Variants in IQCJ observed in about 807,000 individuals in gnomAD.
The protein encoded by IQCJ is IQ domain-containing protein J.
In IQCJ, 9 loss-of-function variants were observed where a neutral mutation model predicts 11.0. The observed-to-expected ratio is 0.82, with a 90% CI of 0.49 to 1.43. IQCJ has a LOEUF of 1.43. Among genes scored for constraint, IQCJ ranks in the 40% most tolerant of loss-of-function variants. IQCJ has a pLI of 0.00. For missense variants in IQCJ, 146 were observed against 133.2 expected, an observed-to-expected ratio of 1.10 and a Z score of -0.47; for synonymous variants, 55 against 51.3, an observed-to-expected ratio of 1.07 and a Z score of -0.31.
At chr3:159,126,988 G>C (rs889004445) in intron 1 of IQCJ, among the ~76,000 whole-genome samples, 1 of 152,194 alleles carries the variant, frequency 6.6e-6, no homozygotes, top group Non-Finnish European at 1.5e-5. Context: ...GGGCAGATTT[G>C]CTTGGCCATT....
chr3:159,102,122 C>T (rs1717970346), intron 1 of IQCJ, among the ~76,000 whole-genome samples: 1 of 152,194 alleles, frequency 6.6e-6, no homozygotes, highest in South Asian at 2.1e-4. Context: ...ATTCCTTTTA[C>T]AAACAAGAAA....
chr3:159,142,544 G>C lies in IQCJ; in HGVS notation c.9+73103G>C, dbSNP rs1720675091. ...CGATTCTCCTGCCTCAGCTTCTCGAGTTGCTGGGATTACAGGCACCTGCCA... is the reference window on the plus strand; with the variant it reads ...CGATTCTCCTGCCTCAGCTTCTCGACTTGCTGGGATTACAGGCACCTGCCA... On this transcript the variant is annotated intron_variant, in intron 1 of 3. Coordinates refer to ENST00000397832, the MANE Select transcript of IQCJ (RefSeq NM_001042706.3). 1.3e-5 allele frequency among the ~76,000 whole-genome samples: 2 copies of C among 152,050 alleles called. 1 individual carries two copies. The highest frequency in any genetic ancestry group is 4.1e-4 in the South Asian group (2 of 4,822).
intron 1 of IQCJ, among the ~76,000 whole-genome samples, chr3:159,244,155 G>A (rs1235112414): frequency 6.6e-6 from 1 of 152,206 alleles, no homozygotes; most frequent in African/African-American, 2.4e-5. Flanking sequence ...GAACTGTCGA[G>A]TAGGCAGGGT....
At chr3:159,152,783 T>C (rs1035917402) in intron 1 of IQCJ, among the ~76,000 whole-genome samples, 32 of 152,312 alleles carry the variant, frequency 2.1e-4, no homozygotes, top group African/African-American at 7.5e-4. Flanking sequence ...ATCTGATAAA[T>C]GTAACAATAG....
chr3:159,217,821 T>C (rs1415455656), intron 1 of IQCJ, among the ~76,000 whole-genome samples: 1 of 152,108 alleles, frequency 6.6e-6, no homozygotes, highest in African/African-American at 2.4e-5. Flanking sequence ...ATCCTCCCTC[T>C]TCACCCACAC....
intron 1 of IQCJ, among the ~76,000 whole-genome samples, chr3:159,106,534 C>T (rs746935968): frequency 1.3e-4 from 20 of 151,810 alleles, no homozygotes; most frequent in South Asian, 8.3e-4. Flanking sequence ...GTGGGGGAAG[C>T]GGGGAGAGAG....
At chr3:159,265,321 A>T, downstream of IQCJ, 1 of 1,613,872 alleles carries the variant, frequency 6.2e-7, no homozygotes, top group African/African-American at 1.3e-5. Context: ...CTCTACCTTG[A>T]CCAGCTTGCC....
intron 1 of IQCJ, among the ~76,000 whole-genome samples, chr3:159,094,248 T>C (rs73027605): frequency 0.05 from 7,490 of 150,606 alleles, 762 homozygotes; most frequent in African/African-American, 0.18. Flanking sequence ...AAGGTTCTTA[T>C]GTTTGGTTAA....
chr3:159,202,124 T>C (rs1398456034), intron 1 of IQCJ, among the ~76,000 whole-genome samples: 12 of 152,156 alleles, frequency 7.9e-5, no homozygotes, highest in Non-Finnish European at 1.5e-5. Flanking sequence ...TGTACATGTA[T>C]GTATATATTA....
intron 1 of IQCJ, among the ~76,000 whole-genome samples, chr3:159,091,582 C>T (rs774580322): frequency 3.3e-5 from 5 of 151,264 alleles, no homozygotes; most frequent in Non-Finnish European, 7.4e-5. Context: ...CACAAACATT[C>T]AGACCATAGC....
At chr3:159,081,591 A>C (rs916263237) in intron 1 of IQCJ, among the ~76,000 whole-genome samples, 2 of 152,134 alleles carry the variant, frequency 1.3e-5, no homozygotes, top group African/African-American at 4.8e-5. Flanking sequence ...ACAAATGAGC[A>C]CATCATTTTT....
intron 2 of IQCJ, among the ~76,000 whole-genome samples, chr3:159,250,861 A>T (rs1466630851): frequency 6.6e-6 from 1 of 152,148 alleles, no homozygotes; most frequent in Non-Finnish European, 1.5e-5. Context: ...ATTCTCCTTT[A>T]ATAATATCTG....
chr3:159,184,147 T>C (rs1365956868), intron 1 of IQCJ, among the ~76,000 whole-genome samples: 1 of 152,076 alleles, frequency 6.6e-6, no homozygotes. Context: ...CGCTCACCTC[T>C]CCATCTTCAT....
chr3:159,102,635 C>T (rs1718006200), intron 1 of IQCJ, among the ~76,000 whole-genome samples: 1 of 152,138 alleles, frequency 6.6e-6, no homozygotes, highest in Non-Finnish European at 1.5e-5. Context: ...TGTTTATTGG[C>T]ACTAATGGCT....
chr3:159,159,766 G>A (rs572431413), intron 1 of IQCJ, among the ~76,000 whole-genome samples: 44 of 152,178 alleles, frequency 2.9e-4, no homozygotes, highest in Non-Finnish European at 4.9e-4. Flanking sequence ...AAATGGTTTG[G>A]TGCCATCCCC....
chr3:159,164,750 A>G (rs1722069095), intron 1 of IQCJ, among the ~76,000 whole-genome samples: 1 of 152,202 alleles, frequency 6.6e-6, no homozygotes, highest in African/African-American at 2.4e-5. Context: ...CCTGGGTGAC[A>G]GAGAGAGACT....
intron 1 of IQCJ, among the ~76,000 whole-genome samples, chr3:159,091,670 GCATGCACACACACA>G (rs1366536591): frequency 0.14 from 8,817 of 62,494 alleles, 608 homozygotes; most frequent in East Asian, 0.43. Context: ...ACACACACAC[GCATGCACACACACA>G]CACACACACA....
At chr3:159,088,116 G>C (rs1279186209) in intron 1 of IQCJ, among the ~76,000 whole-genome samples, 1 of 152,022 alleles carries the variant, frequency 6.6e-6, no homozygotes, top group South Asian at 2.1e-4. Context: ...CTGGTATGTT[G>C]TGTCTTTGTT....
intron 1 of IQCJ, among the ~76,000 whole-genome samples, chr3:159,146,157 C>A (rs1472159904): frequency 6.6e-6 from 1 of 152,120 alleles, no homozygotes; most frequent in Non-Finnish European, 1.5e-5. Flanking sequence ...AGAGACCATC[C>A]CACTATTCAC....
Sources: gnomAD v4.1 joint callset for allele counts (sites outside exome capture counted in the v4.1 genomes callset) on GRCh38, gnomAD v4.1.1 for gene constraint, MANE v1.5 for transcripts, NCBI Gene and HGNC (gene_info 2026-07-23, HGNC 2026-07-21) for gene names.